Variants in PCDH9 observed in about 807,000 individuals in gnomAD.
The protein encoded by PCDH9 is protocadherin 9, also known as protocadherin-9.
In PCDH9, 24 loss-of-function variants were observed where a neutral mutation model predicts 70.6. The ratio of observed to expected loss-of-function variants is 0.34; its 90% CI spans 0.25 to 0.48. PCDH9 has a LOEUF of 0.48. Ranked by LOEUF, PCDH9 falls within the 20% of genes least tolerant of loss-of-function variation. PCDH9 has a pLI of 0.99. For synonymous variants in PCDH9, 562 were observed against 558.5 expected, an observed-to-expected ratio of 1.01 and a Z score of -0.09; for missense variants, 1,281 against 1,503.6, an observed-to-expected ratio of 0.85 and a Z score of 2.45.
chr13:67,119,500 A>G (rs2086838479), intron 2 of PCDH9, among the ~76,000 whole-genome samples: 1 of 152,212 alleles, frequency 6.6e-6, no homozygotes, highest in Admixed American at 6.5e-5. Context: ...AGGTAAATAA[A>G]TGTAAAACTT....
chr13:66,498,723 T>TAA (rs1411686643), intron 4 of PCDH9, among the ~76,000 whole-genome samples: 1 of 152,078 alleles, frequency 6.6e-6, no homozygotes, highest in Non-Finnish European at 1.5e-5. Context: ...TGAAAAAATT[T>TAA]TTTTTTAATG....
intron 3 of PCDH9, among the ~76,000 whole-genome samples, chr13:66,876,605 A>T (rs1320141350): frequency 6.6e-6 from 1 of 152,182 alleles, no homozygotes; most frequent in Admixed American, 6.5e-5. Flanking sequence ...CTTCATGGGC[A>T]ATTTTAGTTT....
At chr13:66,650,744 A>G (rs769542413) in intron 3 of PCDH9, among the ~76,000 whole-genome samples, 5 of 152,016 alleles carry the variant, frequency 3.3e-5, no homozygotes, top group African/African-American at 7.2e-5. Context: ...TATTCTCCTC[A>G]GTACATGAAT....
intron 3 of PCDH9, among the ~76,000 whole-genome samples, chr13:66,765,401 G>A (rs974543309): frequency 1.8e-4 from 27 of 151,904 alleles, no homozygotes; most frequent in Non-Finnish European, 4.4e-5. Context: ...CTTATACTTT[G>A]GAGTATTCTT....
At chr13:66,441,396 A>G (rs796644341) in intron 4 of PCDH9, among the ~76,000 whole-genome samples, 16 of 152,276 alleles carry the variant, frequency 1.1e-4, no homozygotes, top group African/African-American at 3.8e-4. Context: ...TATGTCTTGA[A>G]GGAGGGAAGA....
At chr13:66,640,365 TTGTTAATAATTCTCCA>T (rs1209293087) in intron 3 of PCDH9, among the ~76,000 whole-genome samples, 1 of 152,198 alleles carries the variant, frequency 6.6e-6, no homozygotes, top group Non-Finnish European at 1.5e-5. Context: ...AGCATTCCCC[TTGTTAATAATTCTCCA>T]TACAAAGTAA....
chr13:66,987,640 G>C (rs2083919500), intron 2 of PCDH9, among the ~76,000 whole-genome samples: 1 of 151,854 alleles, frequency 6.6e-6, no homozygotes, highest in African/African-American at 2.4e-5. Context: ...ATGAAGAATT[G>C]CATAATTGCA....
At chr13:66,725,374 C>A (rs961647702) in intron 3 of PCDH9, among the ~76,000 whole-genome samples, 2 of 152,196 alleles carry the variant, frequency 1.3e-5, no homozygotes, top group African/African-American at 4.8e-5. Flanking sequence ...CCTATCAAGA[C>A]CACAGCCAGA....
At chr13:66,956,096 AAAC>A (rs2083262016) in intron 2 of PCDH9, among the ~76,000 whole-genome samples, 3 of 151,986 alleles carry the variant, frequency 2.0e-5, no homozygotes, top group Admixed American at 2.0e-4. Flanking sequence ...AAAAAAATAA[AAAC>A]AAACAAAAAC....
intron 3 of PCDH9, among the ~76,000 whole-genome samples, chr13:66,878,497 G>A (rs1271110126): frequency 2.0e-5 from 3 of 152,158 alleles, no homozygotes; most frequent in African/African-American, 7.2e-5. Context: ...AAACTGCTGG[G>A]ATTACAGGCG....
intron 3 of PCDH9, among the ~76,000 whole-genome samples, chr13:66,867,491 G>A (rs1482503522): frequency 6.6e-6 from 1 of 152,072 alleles, no homozygotes; most frequent in Non-Finnish European, 1.5e-5. Context: ...TCATATGAAT[G>A]ATCAAATGCA....
chr13:66,937,463 C>T, intron 2 of PCDH9, among the ~76,000 whole-genome samples: 1 of 152,184 alleles, frequency 6.6e-6, no homozygotes, highest in East Asian at 1.9e-4. Flanking sequence ...ATTCTTATTA[C>T]TGCCTGTCTC....
intron 2 of PCDH9, among the ~76,000 whole-genome samples, chr13:66,909,826 A>T (rs2082429159): frequency 1.3e-5 from 2 of 152,264 alleles, no homozygotes; most frequent in East Asian, 1.9e-4. Context: ...GGTAAACTTG[A>T]ATTTATCCAT....
At chr13:66,737,952 T>C (rs1174249240) in intron 3 of PCDH9, among the ~76,000 whole-genome samples, 1 of 151,922 alleles carries the variant, frequency 6.6e-6, no homozygotes, top group African/African-American at 2.4e-5. Context: ...CTTGCTTAGG[T>C]AAACAAAGCA....
rs374628274 is a variant in PCDH9, at chr13:66,600,537, A to G, written c.3340+30673T>C. Among the ~76,000 whole-genome samples the G allele has an allele frequency of 1.1e-3, 167 of 152,020 alleles. 1 individual carries two copies. Among genetic ancestry groups the G allele is most frequent in the African/African-American group, 3.8e-3 (156 of 41,528 alleles). The stretch of plus-strand genomic sequence containing the variant: ...ATAATTTTTTTCCCTAACATTTTGC[A>G]TAAGTGCATGATTTAATTGCCTCAT... On this transcript the variant is annotated intron_variant, in intron 4 of 4. Coordinates refer to ENST00000377865, the MANE Select transcript of PCDH9 (RefSeq NM_203487.3).
intron 2 of PCDH9, among the ~76,000 whole-genome samples, chr13:67,074,813 A>G (rs2138166068): frequency 6.6e-6 from 1 of 152,292 alleles, no homozygotes; most frequent in East Asian, 1.9e-4. Context: ...AGTATTAATA[A>G]GCAAAAAAGT....
At chr13:67,159,126 G>A (rs147578333) in intron 2 of PCDH9, among the ~76,000 whole-genome samples, 151 of 152,248 alleles carry the variant, frequency 9.9e-4, no homozygotes, top group African/African-American at 3.5e-3. Flanking sequence ...CGATTTCTTT[G>A]AGATCCTGCA....
At chr13:67,163,586 C>G (rs79600619) in intron 2 of PCDH9, among the ~76,000 whole-genome samples, 78 of 152,286 alleles carry the variant, frequency 5.1e-4, no homozygotes, top group African/African-American at 1.6e-3. Context: ...GGCATTCAGA[C>G]AGTAATTACA....
Position 67,174,375 on chromosome 13 carries a change from G to A in PCDH9, c.3036+51030C>T, listed in dbSNP as rs183688191. On this transcript the variant is annotated intron_variant, in intron 2 of 4. Coordinates refer to ENST00000377865, the MANE Select transcript of PCDH9 (RefSeq NM_203487.3). ...CGAAGGGAGGGAAGAAAAATTTATC[G>A]CTTATTAAAATGCTCCTGTTTACAG... Among the ~76,000 whole-genome samples, 205 of 151,930 alleles carry A rather than the reference G, an allele frequency of 1.3e-3. 3 individuals carry two copies. The highest frequency in any genetic ancestry group is 9.4e-4 in the Non-Finnish European group (64 of 67,956).
Sources: allele counts gnomAD v4.1 joint callset (sites outside exome capture counted in the v4.1 genomes callset), GRCh38; gene constraint gnomAD v4.1.1; transcripts MANE v1.5; gene names NCBI Gene and HGNC (gene_info 2026-07-23, HGNC 2026-07-21).